Variants in PKD1L1 observed in about 807,000 individuals in gnomAD.
PKD1L1 encodes polycystin-1-like protein 1.
PKD1L1 carries 236 observed loss-of-function variants against 323.4 expected under a neutral mutation model. The ratio of observed to expected loss-of-function variants is 0.73; its 90% CI spans 0.66 to 0.81. The LOEUF (loss-of-function observed/expected upper bound fraction) is 0.81. PKD1L1 is among the 40% of genes least tolerant of loss of function. The probability of loss-of-function intolerance (pLI) is 0.00; values close to 1 mark genes in which losing one functional copy is unlikely to be tolerated. For missense variants in PKD1L1, 3,320 were observed against 3,508.0 expected, an observed-to-expected ratio of 0.95 and a Z score of 1.35; for synonymous variants, 1,344 against 1,335.0, an observed-to-expected ratio of 1.01 and a Z score of -0.15.
rs376625691 is a variant in PKD1L1 at position 47,808,492 on chromosome 7, A to G, written c.7687-105T>C. 46 of 1,362,610 alleles carry G rather than the reference A, an allele frequency of 3.4e-5. No individual in the cohort carries two copies. The African/African-American group carries it at 6.5e-4, about 19-fold the overall frequency. The allele number at this position is 1,362,610 out of a possible 1,614,324, so 84.4% of individuals were successfully genotyped here. A position where few individuals can be genotyped will look rare whatever the true frequency, so the allele number is the denominator to read the frequency against. ...AGTTACAGTCATGAGTCACTTAACT[A>G]CAGGGATGCCTTCTGAGAAATGCAT... On this transcript the variant is annotated intron_variant, in intron 51 of 56. Coordinates refer to ENST00000289672, the MANE Select transcript of PKD1L1 (RefSeq NM_138295.5).
intron 21 of PKD1L1, among the ~76,000 whole-genome samples, chr7:47,880,100 C>T (rs962573434): frequency 2.0e-5 from 3 of 149,968 alleles, no homozygotes; most frequent in African/African-American, 4.9e-5. Context: ...TAAGGCGAGG[C>T]CTGTGGGTGA....
In PKD1L1 at chr7:47,885,995, ACT is replaced by A. The variant is rs1786675815; in HGVS notation, c.2894_2895del (p.Glu965ValfsTer10). On this transcript the variant is annotated frameshift_variant, in exon 18 of 57. Transcript: ENST00000289672. LOFTEE classifies it high-confidence loss of function. Reference protein sequence around the residue: ...LGSLGLGAISESSQLNLLPTE... With the variant: ...LGSLGLGAISXSSQLNLLPTE... ...GTGGGCAGCAGGTTTAACTGTGATGACTCTGAAATGGCACCGAGTCCCAGCGA... is the reference window on the plus strand; with the variant it reads ...GTGGGCAGCAGGTTTAACTGTGATGACTGAAATGGCACCGAGTCCCAGCGA... The A allele has an allele frequency of 1.2e-6, 2 of 1,613,978 alleles. No individual in the cohort carries two copies. Among genetic ancestry groups the A allele is most frequent in the Non-Finnish European group, 1.7e-6 (2 of 1,179,998 alleles).
rs1354058327 is a variant in PKD1L1, at chr7:47,811,366, A to G, written c.7581+451T>C. ...GAGATGGGTTTTCACCATGTTGGCC[A>G]GGCCGGTGTTGAACTCCTGACCTTG... On this transcript the variant is annotated intron_variant, in intron 50 of 56. Coordinates refer to ENST00000289672, the MANE Select transcript of PKD1L1 (RefSeq NM_138295.5). Among the ~76,000 whole-genome samples the G allele has an allele frequency of 2.6e-5, 4 of 152,106 alleles. No individual in the cohort carries two copies. In the East Asian group the frequency reaches 7.7e-4, roughly 29 times the overall value.
chr7:47,943,262 A>G, intron 2 of PKD1L1, 134 bp downstream of exon 2: 1 of 639,442 alleles, frequency 1.6e-6, no homozygotes, highest in Admixed American at 2.9e-5. Context: ...AGCAGGTTTA[A>G]GATCACTCTG....
At chr7:47,789,353 C>T (rs1024748241) in intron 56 of PKD1L1, among the ~76,000 whole-genome samples, 1 of 152,086 alleles carries the variant, frequency 6.6e-6, no homozygotes, top group African/African-American at 2.4e-5. Flanking sequence ...ATTTAATTTC[C>T]TAAAGGTTAT....
intron 9 of PKD1L1, among the ~76,000 whole-genome samples, chr7:47,907,017 C>T (rs1486114319): frequency 2.0e-5 from 3 of 152,228 alleles, no homozygotes; most frequent in Non-Finnish European, 2.9e-5. Flanking sequence ...CGGAAATTTA[C>T]AAGAATTGTG....
intron 48 of PKD1L1, chr7:47,813,601 CA>C (rs1174235955): frequency 3.0e-6 from 2 of 663,136 alleles, no homozygotes; most frequent in African/African-American, 3.5e-5. Context: ...ATACCCTCCC[CA>C]TTAGAAAAAG....
intron 15 of PKD1L1, among the ~76,000 whole-genome samples, chr7:47,892,598 G>T (rs980006649): frequency 7.9e-5 from 12 of 152,088 alleles, no homozygotes; most frequent in Non-Finnish European, 1.5e-5. Context: ...TACCTAATGG[G>T]TACAATGTAC....
At chr7:47,813,453 TAC>T in intron 48 of PKD1L1, 160 bp from the exon 49 acceptor site, 1 of 805,818 alleles carries the variant, frequency 1.2e-6, no homozygotes, top group Non-Finnish European at 2.1e-6. Flanking sequence ...TTTCGTGGTC[TAC>T]AGACTCTAGC....
intron 8 of PKD1L1, among the ~76,000 whole-genome samples, chr7:47,910,647 T>A (rs1787300918): frequency 6.7e-6 from 1 of 149,676 alleles, no homozygotes; most frequent in Non-Finnish European, 1.5e-5. Flanking sequence ...CAGGCATATC[T>A]TACTTTCAAG....
At chr7:47,949,097 G>C (rs568064991), upstream of PKD1L1, among the ~76,000 whole-genome samples, 2 of 152,002 alleles carry the variant, frequency 1.3e-5, no homozygotes, top group Non-Finnish European at 2.9e-5. Flanking sequence ...TTGGCTGGGC[G>C]CGGTGGCTCA....
At chr7:47,889,744 C>T (rs148821958) in intron 16 of PKD1L1, among the ~76,000 whole-genome samples, 7 of 152,284 alleles carry the variant, frequency 4.6e-5, no homozygotes, top group African/African-American at 1.7e-4. Flanking sequence ...GGAAGCAGTT[C>T]GATCTGCCCA....
At chr7:47,950,265 C>A (rs1788184870), upstream of PKD1L1, among the ~76,000 whole-genome samples, 1 of 152,146 alleles carries the variant, frequency 6.6e-6, no homozygotes, top group Non-Finnish European at 1.5e-5. Flanking sequence ...GATGCTCTGA[C>A]CTTGCTGCTG....
chr7:47,838,519 C>T (rs907926515), intron 36 of PKD1L1, among the ~76,000 whole-genome samples: 1 of 149,062 alleles, frequency 6.7e-6, no homozygotes, highest in Non-Finnish European at 1.5e-5. Context: ...CAGTGGGCCA[C>T]TATATAGCCC....
the PKD1L1 span, among the ~76,000 whole-genome samples, chr7:47,955,895 T>A: frequency 6.6e-6 from 1 of 152,216 alleles, no homozygotes. Flanking sequence ...ATACCATTTT[T>A]ACCTCTTGAT....
the PKD1L1 span, among the ~76,000 whole-genome samples, chr7:47,954,191 G>A: frequency 6.6e-6 from 1 of 152,214 alleles, no homozygotes; most frequent in African/African-American, 2.4e-5. Flanking sequence ...AAGAGCCATG[G>A]AAGTCACCCA....
At chr7:47,901,428 A>T (rs1787087442) in intron 13 of PKD1L1, among the ~76,000 whole-genome samples, 1 of 151,996 alleles carries the variant, frequency 6.6e-6, no homozygotes, top group Non-Finnish European at 1.5e-5. Flanking sequence ...TTTTACAGAT[A>T]AAAAACTCAA....
At chr7:47,817,596 C>T (rs187380898) in intron 46 of PKD1L1, among the ~76,000 whole-genome samples, 49 of 152,218 alleles carry the variant, frequency 3.2e-4, no homozygotes, top group African/African-American at 1.1e-3. Flanking sequence ...TGGCTGGGCA[C>T]GGTGGCTCAG....
At chr7:47,856,414 T>C (rs1045356732) in intron 28 of PKD1L1, among the ~76,000 whole-genome samples, 20 of 152,238 alleles carry the variant, frequency 1.3e-4, no homozygotes, top group Admixed American at 9.2e-4. Context: ...TAGCTATATA[T>C]GAACTCTATC....
Sources: allele counts gnomAD v4.1 joint callset (sites outside exome capture counted in the v4.1 genomes callset), GRCh38; gene constraint gnomAD v4.1.1; transcripts MANE v1.5; gene names NCBI Gene and HGNC (gene_info 2026-07-23, HGNC 2026-07-21).